The following BAZ1A variants were observed in gnomAD, a reference collection of about 807,000 sequenced individuals.
The protein encoded by BAZ1A is bromodomain adjacent to zinc finger domain 1A.
A neutral mutation model predicts 185.2 loss-of-function variants in BAZ1A; 50 were observed. The ratio of observed to expected loss-of-function variants is 0.27; its 90% CI spans 0.22 to 0.34. The LOEUF (loss-of-function observed/expected upper bound fraction) is 0.34. Among genes scored for constraint, BAZ1A ranks in the 10% least tolerant of loss-of-function variants. The pLI, the probability that BAZ1A is intolerant of heterozygous loss-of-function variation, is 1.00. For synonymous variants in BAZ1A, 571 were observed against 615.6 expected (o/e 0.93, Z 1.07); for missense variants, 1,356 against 1,839.9 (o/e 0.74, Z 4.81).
rs748751422 is a variant in BAZ1A at position 34,776,136 on chromosome 14, G to C, written c.2616C>G (p.Asp872Glu). ...GCACAGAATGGTCACGTGGACCTTG[G>C]TCAATGTTGGAGGTAGATTCAGACA... ...PLMSESTSNIDQGPRDHSVQL... is the reference protein window; with the variant it reads ...PLMSESTSNIEQGPRDHSVQL... Residue 872 changes from aspartate (D) to glutamate (E), a missense_variant, in exon 18 of 27, where the codon GAC becomes GAG. Around this residue, in one of 7 missense-constraint regions of BAZ1A, gnomAD observed 434 missense variants for 561.7 expected, o/e 0.77. Coordinates refer to ENST00000360310, the MANE Select transcript of BAZ1A (RefSeq NM_013448.3). 1 of 1,614,198 alleles carries C rather than the reference G, an allele frequency of 6.2e-7. No individual in the cohort carries two copies. The highest frequency in any genetic ancestry group is 2.2e-5 in the East Asian group (1 of 44,886).
At position 34,776,434 on chromosome 14, in the gene BAZ1A, T is replaced by C; in HGVS notation, c.2318A>G (p.Asp773Gly). ...NCVTREPLTA[D>G]EEEALKQEHQ... ...TTCCTGTTTTAATGCTTCTTCCTCA[T>C]CAGCAGTAAGAGGCTCTCTTGTTAC... Residue 773 changes from aspartate to glycine, a missense_variant, in exon 18 of 27, where the codon GAT (aspartate) becomes GGT (glycine). Coordinates refer to ENST00000360310, the MANE Select transcript of BAZ1A (RefSeq NM_013448.3). The C allele has an allele frequency of 6.2e-7, 1 of 1,614,044 alleles. No individual in the cohort carries two copies. Among genetic ancestry groups the C allele is most frequent in the Non-Finnish European group, 8.5e-7 (1 of 1,180,028 alleles).
intron 12 of BAZ1A, among the ~76,000 whole-genome samples, chr14:34,790,415 G>A (rs374300009): frequency 1.3e-5 from 2 of 152,124 alleles, no homozygotes; most frequent in African/African-American, 2.4e-5. Context: ...GTGCAGTGTC[G>A]TGATCTCGGA....
chr14:34,779,365 C>T (rs895615217), intron 17 of BAZ1A, among the ~76,000 whole-genome samples: 9 of 151,874 alleles, frequency 5.9e-5, no homozygotes, highest in Non-Finnish European at 8.8e-5. Context: ...TAGTTTGATT[C>T]GTTTTAAATA....
chr14:34,814,028 G>A (rs1333689426), intron 4 of BAZ1A, among the ~76,000 whole-genome samples: 5 of 145,796 alleles, frequency 3.4e-5, no homozygotes, highest in Non-Finnish European at 7.5e-5. Context: ...GGGCAACAGA[G>A]CAAGAGTCTG....
intron 5 of BAZ1A, among the ~76,000 whole-genome samples, chr14:34,809,471 G>A (rs1039163892): frequency 1.3e-5 from 2 of 152,084 alleles, no homozygotes; most frequent in African/African-American, 4.8e-5. Context: ...CAGCATACAT[G>A]TAACATTTCC....
intron 3 of BAZ1A, among the ~76,000 whole-genome samples, chr14:34,834,872 G>C (rs894826827): frequency 1.3e-5 from 2 of 152,170 alleles, no homozygotes; most frequent in Non-Finnish European, 2.9e-5. Flanking sequence ...CAAGAGCATA[G>C]AAACTATTTG....
At chr14:34,851,898 C>T (rs2983469) in intron 3 of BAZ1A, among the ~76,000 whole-genome samples, 6 of 151,998 alleles carry the variant, frequency 3.9e-5, no homozygotes, top group Non-Finnish European at 7.4e-5. Flanking sequence ...GAGGCTGAGG[C>T]GGGCGGATCA....
At chr14:34,873,359 C>T (rs969648073) in intron 2 of BAZ1A, among the ~76,000 whole-genome samples, 3 of 152,152 alleles carry the variant, frequency 2.0e-5, no homozygotes, top group Non-Finnish European at 2.9e-5. Flanking sequence ...TCACCCTCTT[C>T]GAGTGATTGA....
intron 3 of BAZ1A, among the ~76,000 whole-genome samples, chr14:34,855,401 T>C (rs1260626688): frequency 6.6e-6 from 1 of 152,132 alleles, no homozygotes; most frequent in Non-Finnish European, 1.5e-5. Context: ...TGTTCATAAA[T>C]CCTCTTCAAC....
intron 3 of BAZ1A, among the ~76,000 whole-genome samples, chr14:34,857,572 A>G (rs2042703352): frequency 6.6e-6 from 1 of 152,068 alleles, no homozygotes; most frequent in African/African-American, 2.4e-5. Context: ...CATCCATCCA[A>G]TCCATGAATA....
At chr14:34,757,748 T>C (rs1261936686) in intron 25 of BAZ1A, among the ~76,000 whole-genome samples, 1 of 132,900 alleles carries the variant, frequency 7.5e-6, no homozygotes. Flanking sequence ...TTTTCTTTTT[T>C]TTTTTTTTGA....
At chr14:34,867,321 A>G (rs576249387) in intron 2 of BAZ1A, among the ~76,000 whole-genome samples, 5 of 152,322 alleles carry the variant, frequency 3.3e-5, no homozygotes, top group African/African-American at 1.2e-4. Flanking sequence ...CTTAATTCGG[A>G]CTAATCACAT....
chr14:34,805,205 C>T (rs1032610284), intron 6 of BAZ1A, among the ~76,000 whole-genome samples: 1 of 152,196 alleles, frequency 6.6e-6, no homozygotes, highest in African/African-American at 2.4e-5. Flanking sequence ...GATTAAACCT[C>T]TTTTCTTTAT....
intron 3 of BAZ1A, among the ~76,000 whole-genome samples, chr14:34,827,773 A>G (rs1196760793): frequency 6.6e-6 from 1 of 151,724 alleles, no homozygotes; most frequent in African/African-American, 2.4e-5. Flanking sequence ...TTGGCACAAT[A>G]TCTTATTTTA....
chr14:34,808,125 A>T (rs2041875676), intron 5 of BAZ1A, among the ~76,000 whole-genome samples: 1 of 152,000 alleles, frequency 6.6e-6, no homozygotes, highest in South Asian at 2.1e-4. Flanking sequence ...TTTAAGGAAA[A>T]TATGCTATAG....
intron 3 of BAZ1A, among the ~76,000 whole-genome samples, chr14:34,839,458 T>C (rs772094694): frequency 6.7e-6 from 1 of 149,564 alleles, no homozygotes; most frequent in Non-Finnish European, 1.5e-5. Context: ...AGGATGGCTT[T>C]AGCCCAGAAG....
intron 10 of BAZ1A, 22 bp from the exon 11 acceptor site, chr14:34,794,909 A>G (rs914282153): frequency 1.9e-6 from 3 of 1,604,304 alleles, no homozygotes; most frequent in African/African-American, 2.7e-5. Context: ...AACAATTTAT[A>G]TAACTATTTG....
intron 12 of BAZ1A, 104 bp from the exon 13 acceptor site, chr14:34,786,325 C>T (rs1210123895): frequency 7.8e-6 from 8 of 1,021,646 alleles, no homozygotes; most frequent in South Asian, 4.8e-5. Flanking sequence ...CCTTAACATT[C>T]GGAACCTCAA....
chr14:34,809,721 A>T (rs2041902797), intron 5 of BAZ1A, among the ~76,000 whole-genome samples: 1 of 152,182 alleles, frequency 6.6e-6, no homozygotes, highest in African/African-American at 2.4e-5. Flanking sequence ...ATGGCCTAGC[A>T]GAATAATTAT....
Sources: allele counts gnomAD v4.1 joint callset (sites outside exome capture counted in the v4.1 genomes callset), GRCh38; gene constraint gnomAD v4.1.1; regional missense constraint gnomAD v4.1.1; transcripts MANE v1.5; gene names NCBI Gene and HGNC (gene_info 2026-07-23, HGNC 2026-07-21).